Variants in OCIAD1 observed in about 807,000 individuals in gnomAD.
OCIAD1 encodes OCIA domain containing 1.
In OCIAD1, 29 loss-of-function variants were observed where a neutral mutation model predicts 38.9. The ratio of observed to expected loss-of-function variants is 0.74; its 90% CI spans 0.55 to 1.02. OCIAD1 has a LOEUF of 1.02. OCIAD1 is among the 50% of genes least tolerant of loss of function. The pLI is 0.00. For synonymous variants in OCIAD1, 110 were observed against 92.0 expected, an observed-to-expected ratio of 1.20 and a Z score of -1.12; for missense variants, 288 against 289.6, an observed-to-expected ratio of 0.99 and a Z score of 0.04.
chr4:48,844,483 G>T (rs912853592), intron 4 of OCIAD1, among the ~76,000 whole-genome samples: 1 of 152,036 alleles, frequency 6.6e-6, no homozygotes, highest in African/African-American at 2.4e-5. Context: ...GGGCGTGGTC[G>T]TGCGTGCCTG....
chr4:48,837,957 T>A (rs1416762662), intron 3 of OCIAD1, among the ~76,000 whole-genome samples: 7 of 152,130 alleles, frequency 4.6e-5, no homozygotes, highest in Non-Finnish European at 7.4e-5. Context: ...TAGTGGGACA[T>A]GTGGTATATG....
intron 1 of OCIAD1, among the ~76,000 whole-genome samples, chr4:48,825,550 C>T (rs993692247): frequency 6.6e-6 from 1 of 152,168 alleles, no homozygotes; most frequent in African/African-American, 2.4e-5. Flanking sequence ...TACCATTAGA[C>T]TTTGTTTTCC....
chr4:48,824,059 A>G (rs1777224672), intron 1 of OCIAD1, among the ~76,000 whole-genome samples: 1 of 151,742 alleles, frequency 6.6e-6, no homozygotes, highest in Non-Finnish European at 1.5e-5. Flanking sequence ...GCTTACTGCA[A>G]CCTCTGCCTC....
intron 1 of OCIAD1, chr4:48,831,625 T>TA: frequency 5.5e-6 from 6 of 1,099,552 alleles, no homozygotes; most frequent in Non-Finnish European, 7.4e-6. Flanking sequence ...GTGTCAGCCC[T>TA]GACAGTCTTC....
At chr4:48,842,597 A>G in intron 3 of OCIAD1, 39 bp from the exon 4 acceptor site, 1 of 1,364,120 alleles carries the variant, frequency 7.3e-7, no homozygotes, top group Non-Finnish European at 1.0e-6. Flanking sequence ...AAAATCTTTT[A>G]CTTTTGTTGA....
At chr4:48,824,427 C>T (rs1427739567) in intron 1 of OCIAD1, among the ~76,000 whole-genome samples, 1 of 152,128 alleles carries the variant, frequency 6.6e-6, no homozygotes, top group East Asian at 1.9e-4. Flanking sequence ...GTTGCTCAGG[C>T]TGGAGTGTAC....
At chr4:48,810,305 T>C (rs1269100336) in intron 1 of OCIAD1, among the ~76,000 whole-genome samples, 1 of 151,514 alleles carries the variant, frequency 6.6e-6, no homozygotes, top group Non-Finnish European at 1.5e-5. Context: ...CCGTCTCTAC[T>C]AAAAACACAA....
intron 7 of OCIAD1, chr4:48,852,629 C>T (rs941345274): frequency 1.1e-4 from 17 of 152,116 alleles, no homozygotes; most frequent in African/African-American, 3.6e-4. Flanking sequence ...ATTATAACTA[C>T]TTTATGATCC....
chr4:48,831,369 C>G (rs548090827), intron 1 of OCIAD1, 120 bp downstream of exon 1: 3 of 578,936 alleles, frequency 5.2e-6, no homozygotes, highest in Non-Finnish European at 8.7e-6. Context: ...GTGGACAGAT[C>G]GCGCTCGGGT....
chr4:48,857,022 A>G, intron 7 of OCIAD1, 191 bp from the exon 8 acceptor site: 1 of 325,940 alleles, frequency 3.1e-6, no homozygotes, highest in Non-Finnish European at 5.7e-6. Context: ...GCTTAAAAAT[A>G]TGGGTGGAAG....
intron 1 of OCIAD1, among the ~76,000 whole-genome samples, chr4:48,807,972 T>C (rs1777045945): frequency 6.6e-6 from 1 of 152,242 alleles, no homozygotes; most frequent in South Asian, 2.1e-4. Flanking sequence ...TGTATCATTT[T>C]ATTTAGTTCT....
intron 1 of OCIAD1, among the ~76,000 whole-genome samples, chr4:48,824,494 C>T (rs1268872439): frequency 6.6e-6 from 1 of 151,978 alleles, no homozygotes; most frequent in African/African-American, 2.4e-5. Flanking sequence ...GATCCTGTCG[C>T]CTCCACCTCC....
intron 2 of OCIAD1, 71 bp downstream of exon 2, chr4:48,832,753 C>A: frequency 8.7e-7 from 1 of 1,149,586 alleles, no homozygotes; most frequent in Non-Finnish European, 1.3e-6. Context: ...CCTTGAGTAA[C>A]AGTGGCAGGT....
At chr4:48,814,292 A>G (rs1018870897) in intron 1 of OCIAD1, among the ~76,000 whole-genome samples, 4 of 151,554 alleles carry the variant, frequency 2.6e-5, no homozygotes, top group African/African-American at 7.3e-5. Context: ...ACTGTCCAAG[A>G]AAGAAAAGCA....
intron 1 of OCIAD1, among the ~76,000 whole-genome samples, chr4:48,812,683 G>A (rs1337170867): frequency 2.6e-5 from 4 of 152,172 alleles, no homozygotes; most frequent in African/African-American, 9.7e-5. Flanking sequence ...GGGTAAAAGT[G>A]TTTGGAGTGA....
rs1427061222 is a variant in OCIAD1, at chr4:48,857,366, G to A, written c.700+1G>A. 1 of 1,534,058 alleles carries A rather than the reference G, an allele frequency of 6.5e-7. No individual in the cohort carries two copies. Among genetic ancestry groups the A allele is most frequent in the Admixed American group, 2.1e-5 (1 of 46,846 alleles). On this transcript the variant is annotated splice_donor_variant, in intron 8 of 8. Transcript: ENST00000264312. LOFTEE classifies it high-confidence loss of function. ...CATGAAAGAGTGCCAAAAAAAGAAG[G>A]TATGATAGTTTAGTCTGAATCACTT...
At chr4:48,810,468 CA>C (rs749988114) in intron 1 of OCIAD1, among the ~76,000 whole-genome samples, 3,361 of 42,402 alleles carry the variant, frequency 0.079, 15 homozygotes, top group African/African-American at 0.11. Context: ...GACTCCATCT[CA>C]AAAAAAAAAA....
intron 6 of OCIAD1, among the ~76,000 whole-genome samples, chr4:48,850,327 T>C (rs1026016169): frequency 2.0e-5 from 3 of 152,170 alleles, no homozygotes; most frequent in African/African-American, 4.8e-5. Context: ...GGCATGATCC[T>C]AGCTCACTGC....
At chr4:48,849,381 T>G (rs1235422161) in intron 5 of OCIAD1, among the ~76,000 whole-genome samples, 1 of 152,114 alleles carries the variant, frequency 6.6e-6, no homozygotes, top group East Asian at 1.9e-4. Flanking sequence ...TCATGAGTCT[T>G]TCAGGTTAGC....
Sources: allele counts gnomAD v4.1 joint callset (sites outside exome capture counted in the v4.1 genomes callset), GRCh38; gene constraint gnomAD v4.1.1; transcripts MANE v1.5; gene names NCBI Gene and HGNC (gene_info 2026-07-23, HGNC 2026-07-21).